Variants in THSD7B observed in about 807,000 individuals in gnomAD.
The protein encoded by THSD7B is thrombospondin type-1 domain-containing protein 7B.
A neutral mutation model predicts 213.6 loss-of-function variants in THSD7B; 138 were observed. The ratio of observed to expected loss-of-function variants is 0.65; its 90% CI spans 0.56 to 0.74. The LOEUF is 0.74. Ranked by LOEUF, THSD7B falls within the 30% of genes least tolerant of loss-of-function variation. The probability of loss-of-function intolerance (pLI) is 0.00; values close to 1 mark genes in which losing one functional copy is unlikely to be tolerated. For missense variants in THSD7B, 1,931 were observed against 1,991.5 expected, an observed-to-expected ratio of 0.97 and a Z score of 0.58; for synonymous variants, 742 against 687.0, an observed-to-expected ratio of 1.08 and a Z score of -1.25.
intron 12 of THSD7B, among the ~76,000 whole-genome samples, chr2:137,281,965 T>C (rs1181123253): frequency 6.6e-6 from 1 of 152,208 alleles, no homozygotes; most frequent in African/African-American, 2.4e-5. Context: ...TCTAGATCCT[T>C]GAGGAATCAC....
chr2:137,421,767 G>T (rs746280316), intron 14 of THSD7B, among the ~76,000 whole-genome samples: 11 of 152,154 alleles, frequency 7.2e-5, no homozygotes, highest in Non-Finnish European at 1.5e-4. Context: ...TGAAAGGAGG[G>T]TAGGAGAAGG....
At chr2:137,331,753 G>A (rs1036959960) in intron 12 of THSD7B, among the ~76,000 whole-genome samples, 6 of 152,192 alleles carry the variant, frequency 3.9e-5, no homozygotes, top group African/African-American at 1.2e-4. Flanking sequence ...GCCCTGCCCC[G>A]AGGGAAGGCA....
At chr2:136,876,989 GC>G (rs1309270335) in intron 1 of THSD7B, among the ~76,000 whole-genome samples, 2 of 152,070 alleles carry the variant, frequency 1.3e-5, no homozygotes, top group Non-Finnish European at 2.9e-5. Context: ...TTCTGGAGAG[GC>G]AGAGGAAGGG....
At position 137,450,953 on chromosome 2, in the gene THSD7B, G is replaced by C; in HGVS notation, c.3068G>C (p.Arg1023Pro). 1 of 1,612,688 alleles carries C rather than the reference G, an allele frequency of 6.2e-7. No homozygotes were observed. The highest frequency in any genetic ancestry group is 8.5e-7 in the Non-Finnish European group (1 of 1,179,218). ...TCTTGTGGAATTGGAGTGAGAATTC[G>C]ATCCAAATGGCTAAAAGAAAAACCT... is the stretch of plus-strand genomic sequence containing the variant. ...SSSCGIGVRI[R>P]SKWLKEKPYN... is the part of the protein sequence containing the mutation. The change falls in exon 15 of 28, where the codon CGA becomes CCA. Residue 1023 changes from arginine (R) to proline (P), a missense_variant. Coordinates refer to ENST00000409968, the MANE Select transcript of THSD7B (RefSeq NM_001316349.2).
At chr2:137,644,859 C>T (rs1254157627) in intron 21 of THSD7B, among the ~76,000 whole-genome samples, 4 of 152,086 alleles carry the variant, frequency 2.6e-5, no homozygotes, top group African/African-American at 7.2e-5. Flanking sequence ...TAAAAGCTCG[C>T]GTGGGCACAG....
chr2:137,553,230 A>G (rs1243881528), intron 15 of THSD7B, among the ~76,000 whole-genome samples: 1 of 152,152 alleles, frequency 6.6e-6, no homozygotes, highest in African/African-American at 2.4e-5. Flanking sequence ...CTGGGTCTTG[A>G]CTTGCAGCTT....
intron 3 of THSD7B, among the ~76,000 whole-genome samples, chr2:137,092,961 T>C (rs796084903): frequency 1.2e-4 from 19 of 152,308 alleles, no homozygotes; most frequent in African/African-American, 4.6e-4. Flanking sequence ...TTAAACCACA[T>C]TCAGAGGAAC....
chr2:137,142,411 A>G (rs978921026), intron 5 of THSD7B, among the ~76,000 whole-genome samples: 1 of 152,196 alleles, frequency 6.6e-6, no homozygotes, highest in Non-Finnish European at 1.5e-5. Context: ...ACTTTTCTCA[A>G]TATCATTACT....
At chr2:136,988,577 T>TC (rs1183525663) in intron 2 of THSD7B, among the ~76,000 whole-genome samples, 1 of 152,170 alleles carries the variant, frequency 6.6e-6, no homozygotes. Flanking sequence ...GCAGAGACCA[T>TC]CCTTGTGGCT....
At chr2:137,133,106 C>T (rs116366828) in intron 5 of THSD7B, among the ~76,000 whole-genome samples, 1,849 of 152,226 alleles carry the variant, frequency 0.012, 28 homozygotes, top group African/African-American at 0.041. Flanking sequence ...AAAAATACTC[C>T]GTTGACTTTT....
At chr2:136,775,696 G>A (rs1681589162) in intron 1 of THSD7B, among the ~76,000 whole-genome samples, 1 of 152,038 alleles carries the variant, frequency 6.6e-6, no homozygotes. Flanking sequence ...GCAATACCAG[G>A]AGGACCATTT....
At chr2:137,374,884 A>C (rs1685617629) in intron 12 of THSD7B, among the ~76,000 whole-genome samples, 1 of 152,190 alleles carries the variant, frequency 6.6e-6, no homozygotes, top group Non-Finnish European at 1.5e-5. Flanking sequence ...CGAGTGGGTC[A>C]TGCAGCTATC....
chr2:137,381,284 A>C (rs1489398929), intron 12 of THSD7B, among the ~76,000 whole-genome samples: 1 of 152,230 alleles, frequency 6.6e-6, no homozygotes, highest in African/African-American at 2.4e-5. Context: ...AGAAGCAGAG[A>C]GCACCAAGAA....
chr2:137,226,149 A>C (rs6430698), intron 7 of THSD7B, among the ~76,000 whole-genome samples: 65,761 of 151,590 alleles, frequency 0.43, 15,170 homozygotes, highest in African/African-American at 0.52. Context: ...AGGACATAAA[A>C]TTTTATGACA....
intron 11 of THSD7B, among the ~76,000 whole-genome samples, chr2:137,273,371 TC>T (rs889539850): frequency 1.3e-5 from 2 of 152,044 alleles, no homozygotes; most frequent in South Asian, 2.1e-4. Context: ...CTCACAAACT[TC>T]CCCCCTTTTA....
intron 12 of THSD7B, among the ~76,000 whole-genome samples, chr2:137,359,523 T>A (rs1269549118): frequency 6.6e-6 from 1 of 152,036 alleles, no homozygotes; most frequent in Non-Finnish European, 1.5e-5. Context: ...ATGGGGTGGT[T>A]TCGGGGTAGG....
intron 15 of THSD7B, among the ~76,000 whole-genome samples, chr2:137,453,668 A>G (rs1485205599): frequency 6.6e-6 from 1 of 152,064 alleles, no homozygotes; most frequent in African/African-American, 2.4e-5. Flanking sequence ...TGTACAATAC[A>G]CTATTATTAA....
intron 3 of THSD7B, among the ~76,000 whole-genome samples, chr2:137,074,359 T>C (rs1687569327): frequency 6.6e-6 from 1 of 152,174 alleles, no homozygotes; most frequent in African/African-American, 2.4e-5. Flanking sequence ...TTGTCTCTTT[T>C]GATCTTTGTT....
rs373370680 is a variant in THSD7B at position 137,341,807 on chromosome 2, T to C, written c.2501-63806T>C. ...TATGGGTTCATTTATGGACTCTCTA[T>C]TTTGTTCCGTTGGTTAATGTGTCTT... On this transcript the variant is annotated intron_variant, in intron 12 of 27. Coordinates refer to ENST00000409968, the MANE Select transcript of THSD7B (RefSeq NM_001316349.2). 6.6e-5 allele frequency among the ~76,000 whole-genome samples: 10 copies of C among 151,868 alleles called. No individual in the cohort carries two copies. In the East Asian group the frequency reaches 1.9e-3, roughly 29 times the overall value.
Sources: allele counts gnomAD v4.1 joint callset (sites outside exome capture counted in the v4.1 genomes callset), GRCh38; gene constraint gnomAD v4.1.1; transcripts MANE v1.5; gene names NCBI Gene and HGNC (gene_info 2026-07-23, HGNC 2026-07-21).